Variants in DISC1 observed in about 807,000 individuals in gnomAD.
DISC1 encodes DISC1 scaffold protein.
DISC1 carries 57 observed loss-of-function variants against 84.5 expected under a neutral mutation model. The observed-to-expected ratio is 0.67, with a 90% CI of 0.55 to 0.84. The LOEUF (loss-of-function observed/expected upper bound fraction) is 0.84. Ranked by LOEUF, DISC1 falls within the 40% of genes least tolerant of loss-of-function variation. The pLI, the probability that DISC1 is intolerant of heterozygous loss-of-function variation, is 0.00. For synonymous variants in DISC1, 411 were observed against 415.2 expected, an observed-to-expected ratio of 0.99 and a Z score of 0.12; for missense variants, 1,000 against 1,057.8, an observed-to-expected ratio of 0.95 and a Z score of 0.76.
intron 12 of DISC1, among the ~76,000 whole-genome samples, chr1:232,027,195 C>T (rs1572684535): frequency 6.6e-6 from 1 of 152,200 alleles, no homozygotes; most frequent in Non-Finnish European, 1.5e-5. Flanking sequence ...TTGACTGGCT[C>T]GTTTTCCTAC....
At chr1:231,973,048 C>CT (rs397934533) in intron 10 of DISC1, among the ~76,000 whole-genome samples, 7,637 of 137,088 alleles carry the variant, frequency 0.056, 310 homozygotes, top group East Asian at 0.21. Context: ...ATGTCTTGTT[C>CT]TTTTTTTTTT....
chr1:231,631,520 T>C (rs1397259515), intron 1 of DISC1, among the ~76,000 whole-genome samples: 1 of 152,072 alleles, frequency 6.6e-6, no homozygotes, highest in Non-Finnish European at 1.5e-5. Context: ...GGACAAGGTG[T>C]GGAGGTGGAA....
At chr1:232,010,877 G>A (rs1337606160) in intron 11 of DISC1, among the ~76,000 whole-genome samples, 15 of 152,166 alleles carry the variant, frequency 9.9e-5, no homozygotes, top group Admixed American at 9.8e-4. Context: ...TTGGGTATAG[G>A]TTGTACACTT....
In DISC1 at chr1:231,795,297, G is replaced by T. The variant is rs1047662856; in HGVS notation, c.1689+1G>T. 7 of 1,612,188 alleles carry T rather than the reference G, an allele frequency of 4.3e-6. No individual in the cohort carries two copies. In the African/African-American group the frequency reaches 6.7e-5, roughly 15 times the overall value. ...GTCACTTAAAGAAATCACTACTAAG[G>T]TAAGTACCTTTATATTCCCATTTTC... On this transcript the variant is annotated splice_donor_variant, in intron 7 of 12. Coordinates refer to ENST00000439617, the MANE Select transcript of DISC1 (RefSeq NM_018662.3). LOFTEE classifies it high-confidence loss of function.
chr1:231,820,149 T>G (rs1309549052), intron 9 of DISC1, among the ~76,000 whole-genome samples: 1 of 152,208 alleles, frequency 6.6e-6, no homozygotes, highest in East Asian at 1.9e-4. Flanking sequence ...TCCCTATACA[T>G]TGATTTACAC....
At chr1:231,679,362 C>T (rs74373370) in intron 1 of DISC1, among the ~76,000 whole-genome samples, 2,451 of 152,304 alleles carry the variant, frequency 0.016, 28 homozygotes, top group Middle Eastern at 0.031. Context: ...TGCTTCCTGC[C>T]TCCTCTGGCA....
intron 5 of DISC1, among the ~76,000 whole-genome samples, chr1:231,768,060 G>T (rs2076292448): frequency 6.6e-6 from 1 of 152,170 alleles, no homozygotes; most frequent in Non-Finnish European, 1.5e-5. Context: ...ATGCAAGTTG[G>T]CTAAGAATCA....
chr1:231,844,896 C>T (rs2083337829), intron 9 of DISC1, among the ~76,000 whole-genome samples: 1 of 142,080 alleles, frequency 7.0e-6, no homozygotes, highest in African/African-American at 2.7e-5. Flanking sequence ...CATTGCACTC[C>T]AGCCTGGGCG....
chr1:231,681,916 T>C (rs1015722885), intron 1 of DISC1, among the ~76,000 whole-genome samples: 4 of 152,166 alleles, frequency 2.6e-5, no homozygotes, highest in Non-Finnish European at 4.4e-5. Context: ...GCCAGGCTGG[T>C]CTCGAACTCC....
intron 10 of DISC1, among the ~76,000 whole-genome samples, chr1:231,972,489 G>A (rs201867302): frequency 6.6e-6 from 1 of 152,192 alleles, no homozygotes; most frequent in Non-Finnish European, 1.5e-5. Context: ...TGAGTGTTTA[G>A]GGCATTATAT....
At chr1:231,978,478 A>G (rs557454671) in intron 10 of DISC1, among the ~76,000 whole-genome samples, 2 of 152,250 alleles carry the variant, frequency 1.3e-5, no homozygotes, top group African/African-American at 2.4e-5. Flanking sequence ...AAAGAAAGAC[A>G]GGAGAAATGT....
chr1:231,969,145 T>G (rs1389014427), intron 10 of DISC1, among the ~76,000 whole-genome samples: 1 of 149,696 alleles, frequency 6.7e-6, no homozygotes, highest in Non-Finnish European at 1.5e-5. Flanking sequence ...TACCCTCCAT[T>G]AAGGATCTGC....
chr1:231,696,408 T>C (rs1490476761), intron 2 of DISC1, among the ~76,000 whole-genome samples: 1 of 152,016 alleles, frequency 6.6e-6, no homozygotes, highest in Non-Finnish European at 1.5e-5. Flanking sequence ...ATTTAGAGAG[T>C]TTGAGTCAAA....
chr1:231,850,871 C>G (rs1036127148), intron 9 of DISC1, among the ~76,000 whole-genome samples: 43 of 152,290 alleles, frequency 2.8e-4, no homozygotes, highest in African/African-American at 9.1e-4. Flanking sequence ...GTTCAACCAG[C>G]CTTCAGTAGA....
At chr1:231,787,647 T>C (rs1558545294) in intron 6 of DISC1, among the ~76,000 whole-genome samples, 1 of 152,218 alleles carries the variant, frequency 6.6e-6, no homozygotes, top group African/African-American at 2.4e-5. Context: ...GGAGGACACA[T>C]TGACATTATA....
intron 9 of DISC1, among the ~76,000 whole-genome samples, chr1:231,907,105 T>TC (rs1558717321): frequency 6.2e-5 from 6 of 97,256 alleles, no homozygotes; most frequent in African/African-American, 1.2e-4. Flanking sequence ...CCTCCTTCCT[T>TC]CTCTCCTTCC....
intron 9 of DISC1, 121 bp from the exon 10 acceptor site, chr1:231,958,707 A>G: frequency 1.0e-6 from 1 of 1,004,944 alleles, no homozygotes; most frequent in Non-Finnish European, 1.5e-6. Context: ...TTCCAAACAT[A>G]GAATGTTACG....
intron 2 of DISC1, among the ~76,000 whole-genome samples, chr1:231,700,337 A>T (rs1425998557): frequency 6.6e-6 from 1 of 152,182 alleles, no homozygotes; most frequent in African/African-American, 2.4e-5. Context: ...CTTTCACTTA[A>T]TGAATAGGAA....
intron 3 of DISC1, among the ~76,000 whole-genome samples, chr1:231,734,738 G>C (rs908056928): frequency 1.3e-5 from 2 of 152,224 alleles, no homozygotes; most frequent in Non-Finnish European, 2.9e-5. Flanking sequence ...GCTAAGTGCT[G>C]AGTGGGCAGA....
Sources: gnomAD v4.1 joint callset for allele counts (sites outside exome capture counted in the v4.1 genomes callset) on GRCh38, gnomAD v4.1.1 for gene constraint, MANE v1.5 for transcripts, NCBI Gene and HGNC (gene_info 2026-07-23, HGNC 2026-07-21) for gene names.